GRM5: variants seen among roughly 807,000 people sequenced by gnomAD.
GRM5 encodes the protein glutamate metabotropic receptor 5.
Under a neutral mutation model 83.1 loss-of-function variants are expected in GRM5, and 19 were observed. The ratio of observed to expected loss-of-function variants is 0.23; its 90% confidence interval spans 0.16 to 0.34. The LOEUF (loss-of-function observed/expected upper bound fraction) is 0.34. Ranked by LOEUF, GRM5 falls within the 10% of genes least tolerant of loss-of-function variation. GRM5 has a pLI of 1.00. For missense variants in GRM5, 1,160 were observed against 1,588.3 expected (o/e 0.73, Z 4.58); for synonymous variants, 675 against 633.6 (o/e 1.07, Z -0.98).
chr11:88,833,256 C>T (rs530975), intron 3 of GRM5, among the ~76,000 whole-genome samples: 62,656 of 151,400 alleles, frequency 0.41, 14,809 homozygotes, highest in African/African-American at 0.63. Context: ...AGGAACTTAA[C>T]AGCTTAAAAA....
At chr11:88,680,957 A>G (rs886468986) in intron 3 of GRM5, among the ~76,000 whole-genome samples, 4 of 152,186 alleles carry the variant, frequency 2.6e-5, no homozygotes, top group Admixed American at 2.0e-4. Flanking sequence ...CAGATGAGAG[A>G]CAATTACAGT....
chr11:88,863,355 C>A (rs1205649398), intron 2 of GRM5, among the ~76,000 whole-genome samples: 1 of 150,480 alleles, frequency 6.6e-6, no homozygotes, highest in African/African-American at 2.5e-5. Flanking sequence ...GACATGGAAT[C>A]AACCCAAATG....
chr11:88,575,890 T>C (rs80196638), intron 7 of GRM5, among the ~76,000 whole-genome samples: 7,947 of 152,206 alleles, frequency 0.052, 686 homozygotes, highest in African/African-American at 0.18. Flanking sequence ...AGCTGAAAAT[T>C]CACAGCTATA....
In GRM5 at chr11:88,865,815, G is replaced by A. The variant is rs188143795; in HGVS notation, c.662-15660C>T. On this transcript the variant is annotated intron_variant, in intron 2 of 9. Transcript: ENST00000305447. Reference sequence around the variant, plus strand: ...AACAAACATATGAAAAAAACTCATCGTCACTGGTCGTTAGGGTAATGCAAA... The same window carrying A: ...AACAAACATATGAAAAAAACTCATCATCACTGGTCGTTAGGGTAATGCAAA... 2.7e-3 allele frequency among the ~76,000 whole-genome samples: 414 copies of A among 152,050 alleles called. 3 individuals carry two copies. Among genetic ancestry groups the A allele is most frequent in the African/African-American group, 9.5e-3 (394 of 41,516 alleles).
intron 4 of GRM5, among the ~76,000 whole-genome samples, chr11:88,611,699 C>T (rs1032250864): frequency 6.6e-6 from 1 of 152,090 alleles, no homozygotes; most frequent in Non-Finnish European, 1.5e-5. Context: ...TGGATTTTCA[C>T]ATCTCAATTT....
intron 4 of GRM5, among the ~76,000 whole-genome samples, chr11:88,649,309 C>A (rs933059844): frequency 7.3e-6 from 1 of 136,764 alleles, no homozygotes. Context: ...TTATACATTA[C>A]ATATTACATA....
chr11:89,040,347 C>T (rs908667439), intron 2 of GRM5, among the ~76,000 whole-genome samples: 1 of 150,688 alleles, frequency 6.6e-6, no homozygotes, highest in African/African-American at 2.4e-5. Context: ...GAAGAGCCTG[C>T]AAAAACAAAA....
intron 2 of GRM5, among the ~76,000 whole-genome samples, chr11:89,012,706 A>G (rs1287895823): frequency 6.6e-6 from 1 of 152,174 alleles, no homozygotes; most frequent in Non-Finnish European, 1.5e-5. Flanking sequence ...ATTGAACAAT[A>G]TTTCAAGGCC....
chr11:88,799,314 G>A (rs188426837), intron 3 of GRM5, among the ~76,000 whole-genome samples: 16 of 151,790 alleles, frequency 1.1e-4, no homozygotes, highest in East Asian at 7.8e-4. Flanking sequence ...AAAGCTAACC[G>A]TTTAACATAG....
chr11:88,678,610 A>C (rs1368782009), intron 3 of GRM5, among the ~76,000 whole-genome samples: 1 of 152,168 alleles, frequency 6.6e-6, no homozygotes, highest in Non-Finnish European at 1.5e-5. Context: ...CAAAATACCC[A>C]CTGAATATAG....
chr11:88,662,493 C>T (rs1939933695), intron 3 of GRM5, among the ~76,000 whole-genome samples: 1 of 151,976 alleles, frequency 6.6e-6, no homozygotes, highest in Admixed American at 6.6e-5. Flanking sequence ...GGTATACACA[C>T]CTCTCTTAGT....
At position 88,592,489 on chromosome 11, in the gene GRM5, A is replaced by G. The variant is rs111977980; in HGVS notation, c.1564-1762T>C. Among the ~76,000 whole-genome samples, 430 of 152,332 alleles carry G rather than the reference A, an allele frequency of 2.8e-3. 6 individuals are homozygous for G. The highest frequency in any genetic ancestry group is 9.9e-3 in the African/African-American group (410 of 41,586). ...TTGCAAAGCTGAAGGAGTGTCTTTC[A>G]GAACTTAGCAGGGATTAGCAAATAA... On this transcript the variant is annotated intron_variant, in intron 6 of 9. Transcript: ENST00000305447.
intron 8 of GRM5, among the ~76,000 whole-genome samples, chr11:88,545,619 T>G (rs1942371022): frequency 6.6e-6 from 1 of 152,172 alleles, no homozygotes; most frequent in Admixed American, 6.6e-5. Context: ...AGGTAAAATC[T>G]AGCACCCATC....
chr11:88,925,688 G>T (rs1945776680), intron 2 of GRM5: 2 of 448,684 alleles, frequency 4.5e-6, no homozygotes, highest in Admixed American at 4.8e-5. Context: ...GAAGCAAGCA[G>T]ATCACTTGAG....
intron 8 of GRM5, among the ~76,000 whole-genome samples, chr11:88,544,602 A>C (rs535747699): frequency 3.7e-4 from 56 of 152,286 alleles, no homozygotes; most frequent in African/African-American, 1.3e-3. Flanking sequence ...CTCAGGGCCC[A>C]GTTGGATCTG....
intron 3 of GRM5, among the ~76,000 whole-genome samples, chr11:88,691,789 T>C (rs1018319523): frequency 3.3e-5 from 5 of 152,310 alleles, no homozygotes; most frequent in African/African-American, 1.2e-4. Context: ...TATTCTATCA[T>C]AAAAATCTCT....
chr11:88,970,370 C>G (rs1430538745), intron 2 of GRM5, among the ~76,000 whole-genome samples: 1 of 152,112 alleles, frequency 6.6e-6, no homozygotes, highest in Admixed American at 6.6e-5. Context: ...ATCCATCAGG[C>G]AAGAGTGAAG....
At chr11:88,991,582 T>A (rs562580004) in intron 2 of GRM5, among the ~76,000 whole-genome samples, 2,014 of 149,484 alleles carry the variant, frequency 0.013, 64 homozygotes, top group African/African-American at 0.047. Context: ...AGAACAAAGC[T>A]GGAGGCATCA....
intron 8 of GRM5, among the ~76,000 whole-genome samples, chr11:88,535,227 A>T (rs1435234293): frequency 6.6e-6 from 1 of 152,180 alleles, no homozygotes; most frequent in East Asian, 1.9e-4. Flanking sequence ...GTAGACACTG[A>T]TTAGACTAAG....
Sources: allele counts gnomAD v4.1 joint callset (sites outside exome capture counted in the v4.1 genomes callset), GRCh38; gene constraint gnomAD v4.1.1; transcripts MANE v1.5; gene names NCBI Gene and HGNC (gene_info 2026-07-23, HGNC 2026-07-21).